Variants in DPP10 observed in about 807,000 individuals in gnomAD.
DPP10 encodes inactive dipeptidyl peptidase 10.
DPP10 carries 33 observed loss-of-function variants against 120.9 expected under a neutral mutation model. The ratio of observed to expected loss-of-function variants is 0.27; its 90% CI spans 0.21 to 0.37. The LOEUF is 0.37. Among genes scored for constraint, DPP10 ranks in the 10% least tolerant of loss-of-function variants. The pLI is 1.00. For missense variants in DPP10, 816 were observed against 942.8 expected, an observed-to-expected ratio of 0.87 and a Z score of 1.76; for synonymous variants, 337 against 326.1, an observed-to-expected ratio of 1.03 and a Z score of -0.36.
intron 1 of DPP10, among the ~76,000 whole-genome samples, chr2:114,676,982 G>A (rs978831727): frequency 1.3e-5 from 2 of 151,960 alleles, no homozygotes; most frequent in Non-Finnish European, 2.9e-5. Flanking sequence ...TATACTCAAG[G>A]AGAAGCAGTA....
intron 1 of DPP10, among the ~76,000 whole-genome samples, chr2:114,497,191 A>G (rs544218413): frequency 8.1e-4 from 121 of 149,052 alleles, no homozygotes; most frequent in African/African-American, 2.9e-3. Flanking sequence ...ACGTGTATAC[A>G]TGTGTATGCA....
intron 1 of DPP10, among the ~76,000 whole-genome samples, chr2:115,220,956 A>AGT (rs1553518978): frequency 1.2e-4 from 18 of 150,166 alleles, no homozygotes; most frequent in African/African-American, 2.2e-4. Context: ...AAAATATTAT[A>AGT]TAATCAGTGG....
chr2:115,785,309 G>A (rs910995122), intron 17 of DPP10, among the ~76,000 whole-genome samples: 2 of 152,186 alleles, frequency 1.3e-5, no homozygotes, highest in Admixed American at 1.3e-4. Context: ...TTTTCACTGT[G>A]TTTCTGCCAG....
At chr2:115,181,559 A>G (rs900447247) in intron 1 of DPP10, among the ~76,000 whole-genome samples, 3 of 152,116 alleles carry the variant, frequency 2.0e-5, no homozygotes, top group Non-Finnish European at 4.4e-5. Context: ...AGCATCTCTT[A>G]CCAGGAAGTT....
At chr2:114,981,553 G>T (rs1306924529) in intron 1 of DPP10, among the ~76,000 whole-genome samples, 2 of 152,082 alleles carry the variant, frequency 1.3e-5, no homozygotes, top group African/African-American at 2.4e-5. Context: ...TTCGGACTGA[G>T]TGGCTAAGTG....
chr2:114,881,572 C>CTATG (rs1291299037), intron 1 of DPP10, among the ~76,000 whole-genome samples: 2 of 94,480 alleles, frequency 2.1e-5, no homozygotes, highest in Non-Finnish European at 4.7e-5. Flanking sequence ...TATCATCTAT[C>CTATG]TATCTATCTG....
At chr2:115,198,209 C>T (rs1457386431) in intron 1 of DPP10, among the ~76,000 whole-genome samples, 2 of 152,186 alleles carry the variant, frequency 1.3e-5, no homozygotes, top group Non-Finnish European at 2.9e-5. Context: ...GAGCAACTCT[C>T]AGCTTAAAAT....
chr2:114,663,656 T>TAGAGAG (rs1304879668), intron 1 of DPP10, among the ~76,000 whole-genome samples: 10 of 95,078 alleles, frequency 1.1e-4, no homozygotes, highest in South Asian at 9.0e-4. Flanking sequence ...TATATATATA[T>TAGAGAG]ATATATATAT....
At chr2:115,717,574 G>C (rs183868117) in intron 7 of DPP10, among the ~76,000 whole-genome samples, 104 of 151,776 alleles carry the variant, frequency 6.9e-4, no homozygotes, top group African/African-American at 2.4e-3. Flanking sequence ...GTGCTTAGAA[G>C]CAACCAACAA....
At chr2:115,711,893 T>C (rs545829657) in intron 7 of DPP10, among the ~76,000 whole-genome samples, 35 of 147,822 alleles carry the variant, frequency 2.4e-4, no homozygotes, top group African/African-American at 8.2e-4. Context: ...TTTCCTAGAA[T>C]ATTGGACCTA....
chr2:114,502,748 A>G (rs1683309162), intron 1 of DPP10, among the ~76,000 whole-genome samples: 1 of 152,204 alleles, frequency 6.6e-6, no homozygotes, highest in Admixed American at 6.5e-5. Flanking sequence ...CTAGGTTAGT[A>G]GAGACTTGTA....
rs564113356 is a variant in DPP10, at chr2:115,245,238, C to T, written c.61-64001C>T. On this transcript the variant is annotated intron_variant, in intron 1 of 25. Coordinates refer to ENST00000410059, the MANE Select transcript of DPP10 (RefSeq NM_020868.6). Reference sequence around the variant, plus strand: ...ATATTCCCCATCTTCTTTATCTATTCATTGGTGAATGGGCATTTAGGCTGG... The same window carrying T: ...ATATTCCCCATCTTCTTTATCTATTTATTGGTGAATGGGCATTTAGGCTGG... Among the ~76,000 whole-genome samples, 11 of 152,056 alleles carry T rather than the reference C, an allele frequency of 7.2e-5. No homozygotes were observed. In the East Asian group the frequency reaches 1.9e-3, roughly 27 times the overall value.
At position 114,581,121 on chromosome 2, in the gene DPP10, A is replaced by T. The variant is rs950486710; in HGVS notation, c.60+138283A>T. ...ATATAATTTTGTGGAGTTAGAAGTT[A>T]ACTTGCAGAAAATTCATAGAAATAT... is the stretch of plus-strand genomic sequence containing the variant. On this transcript the variant is annotated intron_variant, in intron 1 of 25. Coordinates refer to ENST00000410059, the MANE Select transcript of DPP10 (RefSeq NM_020868.6). 4.6e-5 allele frequency among the ~76,000 whole-genome samples: 7 copies of T among 150,894 alleles called. No homozygotes were observed. In the South Asian group the frequency reaches 1.5e-3, roughly 32 times the overall value.
At chr2:114,999,293 A>G (rs1574663280) in intron 1 of DPP10, among the ~76,000 whole-genome samples, 1 of 152,184 alleles carries the variant, frequency 6.6e-6, no homozygotes, top group East Asian at 1.9e-4. Context: ...GAGAGGTTTC[A>G]TCAATACAGC....
At chr2:115,691,020 T>G (rs1048743704) in intron 7 of DPP10, among the ~76,000 whole-genome samples, 1 of 152,212 alleles carries the variant, frequency 6.6e-6, no homozygotes, top group Non-Finnish European at 1.5e-5. Context: ...TGAATTCTAA[T>G]AAGCTAGAGC....
At chr2:115,351,356 A>G (rs1350152274) in intron 3 of DPP10, among the ~76,000 whole-genome samples, 1 of 152,092 alleles carries the variant, frequency 6.6e-6, no homozygotes, top group Non-Finnish European at 1.5e-5. Context: ...AACAACAGGC[A>G]TTAGTGACTC....
intron 1 of DPP10, among the ~76,000 whole-genome samples, chr2:114,951,609 A>G (rs1373381246): frequency 6.6e-6 from 1 of 152,164 alleles, no homozygotes; most frequent in Non-Finnish European, 1.5e-5. Context: ...AAGAACAGAT[A>G]TTTTTAAGCA....
intron 1 of DPP10, among the ~76,000 whole-genome samples, chr2:114,737,405 G>C (rs973314307): frequency 6.6e-6 from 1 of 152,136 alleles, no homozygotes; most frequent in Non-Finnish European, 1.5e-5. Context: ...AAGATGCAGC[G>C]GTCTGTGAAA....
At chr2:114,756,948 AG>A (rs1467472475) in intron 1 of DPP10, among the ~76,000 whole-genome samples, 2 of 152,138 alleles carry the variant, frequency 1.3e-5, no homozygotes, top group Non-Finnish European at 2.9e-5. Context: ...ATTACATATG[AG>A]GTTACACAGT....
Sources: gnomAD v4.1 joint callset for allele counts (sites outside exome capture counted in the v4.1 genomes callset) on GRCh38, gnomAD v4.1.1 for gene constraint, MANE v1.5 for transcripts, NCBI Gene and HGNC (gene_info 2026-07-23, HGNC 2026-07-21) for gene names.